Variants in EML6 observed in about 807,000 individuals in gnomAD.
EML6 encodes EMAP like 6.
In EML6, 154 loss-of-function variants were observed where a neutral mutation model predicts 240.1. The observed-to-expected ratio is 0.64, with a 90% CI of 0.56 to 0.73. The LOEUF (loss-of-function observed/expected upper bound fraction) is 0.73. EML6 is among the 30% of genes least tolerant of loss of function. EML6 has a pLI of 0.00. For missense variants in EML6, 2,964 were observed against 2,474.6 expected, an observed-to-expected ratio of 1.20 and a Z score of -4.20; for synonymous variants, 1,148 against 899.0, an observed-to-expected ratio of 1.28 and a Z score of -4.95.
At chr2:54,967,224 T>G (rs1676786977) in intron 39 of EML6, 121 bp downstream of exon 39, 2 of 664,308 alleles carry the variant, frequency 3.0e-6, no homozygotes, top group Admixed American at 5.4e-5. Context: ...CTGTCTTTTC[T>G]TTTGGGGGTG....
At chr2:54,772,841 G>A (rs970465999) in intron 2 of EML6, among the ~76,000 whole-genome samples, 9 of 152,212 alleles carry the variant, frequency 5.9e-5, no homozygotes, top group African/African-American at 9.6e-5. Context: ...GCTGGTCGAC[G>A]AGGGTGATGA....
At chr2:54,949,261 C>G (rs1228473421) in intron 29 of EML6, among the ~76,000 whole-genome samples, 1 of 152,166 alleles carries the variant, frequency 6.6e-6, no homozygotes, top group African/African-American at 2.4e-5. Flanking sequence ...CCCACTCAGA[C>G]CCTCAGCATC....
chr2:54,869,621 G>A (rs562279216), intron 15 of EML6, among the ~76,000 whole-genome samples: 2 of 152,124 alleles, frequency 1.3e-5, no homozygotes, highest in African/African-American at 4.8e-5. Flanking sequence ...AAACTAAAAT[G>A]GTGAAAGTTT....
At chr2:54,834,316 GTAAAA>G (rs1175299842) in intron 7 of EML6, among the ~76,000 whole-genome samples, 1 of 152,114 alleles carries the variant, frequency 6.6e-6, no homozygotes, top group Admixed American at 6.5e-5. Context: ...TATGATCTGG[GTAAAA>G]TAATGAAGCT....
chr2:54,797,177 A>AAACAAAAAAAAAAAAC (rs1669849495), intron 2 of EML6, among the ~76,000 whole-genome samples: 2 of 132,688 alleles, frequency 1.5e-5, no homozygotes, highest in South Asian at 2.5e-4. Context: ...AAAAAAAAAA[A>AAACAAAAAAAAAAAAC]AAAAAAAAAA....
rs369898117 is a variant in EML6, at chr2:54,729,672, A to T, written c.197+4414A>T. 7.9e-5 allele frequency among the ~76,000 whole-genome samples: 12 copies of T among 152,200 alleles called. No individual in the cohort carries two copies. The East Asian group carries it at 2.1e-3, about 27-fold the overall frequency. ...CTGCAAGCTTTGGCTTCACTGCTTT[A>T]TGGCCTCTTATATTGTGGTCCCTAC... On this transcript the variant is annotated intron_variant, in intron 2 of 41. Coordinates refer to ENST00000356458, the MANE Select transcript of EML6 (RefSeq NM_001039753.4).
chr2:54,839,710 G>A (rs952057544), intron 7 of EML6, among the ~76,000 whole-genome samples: 11 of 152,132 alleles, frequency 7.2e-5, no homozygotes, highest in Non-Finnish European at 1.5e-4. Flanking sequence ...TCAAACTCCC[G>A]CCTCTTGCTG....
chr2:54,910,096 ATAATC>A (rs1673560780), intron 24 of EML6, among the ~76,000 whole-genome samples: 1 of 152,224 alleles, frequency 6.6e-6, no homozygotes, highest in South Asian at 2.1e-4. Flanking sequence ...TTGCTTCAAA[ATAATC>A]TAGGGTGGAG....
At chr2:54,823,622 A>C (rs1402536534) in intron 5 of EML6, among the ~76,000 whole-genome samples, 1 of 152,168 alleles carries the variant, frequency 6.6e-6, no homozygotes, top group East Asian at 1.9e-4. Context: ...TGAGTAAAAA[A>C]AACATGTGAG....
chr2:54,862,349 A>AAC (rs2103849432), intron 12 of EML6, among the ~76,000 whole-genome samples: 1 of 150,680 alleles, frequency 6.6e-6, no homozygotes, highest in South Asian at 2.1e-4. Flanking sequence ...AAAAAAAAAA[A>AAC]AAAAAAAAAA....
At chr2:54,910,382 G>A (rs1673576307) in intron 24 of EML6, among the ~76,000 whole-genome samples, 1 of 152,156 alleles carries the variant, frequency 6.6e-6, no homozygotes, top group African/African-American at 2.4e-5. Context: ...GACTATTTTT[G>A]CCCAACATTT....
At chr2:54,754,269 C>T (rs1684307102) in intron 2 of EML6, among the ~76,000 whole-genome samples, 1 of 152,084 alleles carries the variant, frequency 6.6e-6, no homozygotes, top group South Asian at 2.1e-4. Context: ...GGAGCCACTG[C>T]ACCTGTCTTG....
At chr2:54,917,373 T>TTTTTTTTTTTTTG (rs1558684013) in intron 26 of EML6, among the ~76,000 whole-genome samples, 2 of 145,124 alleles carry the variant, frequency 1.4e-5, no homozygotes, top group Non-Finnish European at 3.0e-5. Flanking sequence ...TTTTTTTTTT[T>TTTTTTTTTTTTTG]TTGTTTTTTG....
At position 54,879,629 on chromosome 2, in the gene EML6, A is replaced by G; in HGVS notation, c.2427A>G (p.Ile809Met). 2 of 1,548,592 alleles carry G rather than the reference A, an allele frequency of 1.3e-6. No individual in the cohort carries two copies. The highest frequency in any genetic ancestry group is 4.9e-5 in the East Asian group (2 of 40,904). The stretch of plus-strand genomic sequence containing the variant: ...GGGACTGGAAAAAGGGAGAAAAGAT[A>G]GCCACAACAAGGTAAGAAGCTGCCG... The part of the protein sequence containing the change: ...VFWDWKKGEK[I>M]ATTRGHKDKI... The change falls in exon 17 of 42, where the codon ATA becomes ATG. Residue 809 changes from isoleucine (I) to methionine (M), a missense_variant. Coordinates refer to ENST00000356458, the MANE Select transcript of EML6 (RefSeq NM_001039753.4).
chr2:54,769,985 T>C (rs1288320952), intron 2 of EML6, among the ~76,000 whole-genome samples: 1 of 152,230 alleles, frequency 6.6e-6, no homozygotes, highest in Non-Finnish European at 1.5e-5. Flanking sequence ...ATTATATTAT[T>C]GTAATTTAGA....
intron 28 of EML6, among the ~76,000 whole-genome samples, chr2:54,930,925 T>G (rs1194850075): frequency 2.0e-5 from 3 of 150,286 alleles, no homozygotes; most frequent in Non-Finnish European, 4.4e-5. Flanking sequence ...TAGGGGAGAC[T>G]GAACCTCAGA....
intron 37 of EML6, 116 bp downstream of exon 37, chr2:54,964,274 A>G (rs1191715699): frequency 4.9e-6 from 5 of 1,013,316 alleles, no homozygotes; most frequent in South Asian, 3.4e-5. Context: ...GTCACTTTCA[A>G]CAAGCCACCT....
intron 2 of EML6, among the ~76,000 whole-genome samples, chr2:54,808,257 A>G (rs747824853): frequency 1.1e-3 from 167 of 152,332 alleles, no homozygotes; most frequent in Non-Finnish European, 1.8e-3. Context: ...GAACACAGCC[A>G]TCCCCATCTG....
chr2:54,927,418 G>A (rs1674611457), intron 26 of EML6, among the ~76,000 whole-genome samples: 5 of 152,196 alleles, frequency 3.3e-5, no homozygotes, highest in Admixed American at 3.3e-4. Flanking sequence ...GGATACTGGT[G>A]ACTCTGTCAC....
Sources: gnomAD v4.1 joint callset for allele counts (sites outside exome capture counted in the v4.1 genomes callset) on GRCh38, gnomAD v4.1.1 for gene constraint, MANE v1.5 for transcripts, NCBI Gene and HGNC (gene_info 2026-07-23, HGNC 2026-07-21) for gene names.